Variants in ESPNL observed in about 807,000 individuals in gnomAD.
The protein encoded by ESPNL is espin-like protein.
In ESPNL, 49 loss-of-function variants were observed where a neutral mutation model predicts 46.8. That is an observed-to-expected ratio of 1.05 (90% CI 0.83 to 1.33). The LOEUF (loss-of-function observed/expected upper bound fraction) is 1.33, where lower values mean the gene tolerates loss of function less well. ESPNL is among the 40% of genes most tolerant of loss of function. The pLI, the probability that ESPNL is intolerant of heterozygous loss-of-function variation, is 0.00. For synonymous variants in ESPNL, 664 were observed against 662.1 expected, an observed-to-expected ratio of 1.00 and a Z score of -0.04; for missense variants, 1,540 against 1,436.6, an observed-to-expected ratio of 1.07 and a Z score of -1.16.
At chr2:238,111,624 T>C (rs1232215954) in intron 4 of ESPNL, among the ~76,000 whole-genome samples, 4 of 152,252 alleles carry the variant, frequency 2.6e-5, no homozygotes, top group Admixed American at 2.0e-4. Context: ...AATTTCCTTT[T>C]TATAGCTAAA....
Position 238,132,013 on chromosome 2 carries a change from C to T in ESPNL, c.*281C>T, listed in dbSNP as rs1186710435. 1.7e-5 allele frequency: 6 copies of T among 351,432 alleles called. No individual in the cohort carries two copies. The highest frequency in any genetic ancestry group is 2.6e-5 in the Non-Finnish European group (5 of 194,480). 21.8% of individuals were successfully genotyped at this position (351,432 alleles called of 1,614,324 possible). On this transcript the variant is annotated 3_prime_UTR_variant, in exon 9 of 9. Coordinates refer to ENST00000343063, the MANE Select transcript of ESPNL (RefSeq NM_194312.4). ...AGGGCACCTCTGCCCAGCCGGCCCC[C>T]GAGACCTGGGATGCTGCCTGTTTCT...
chr2:238,129,494 G>A (rs1168909289), intron 8 of ESPNL, among the ~76,000 whole-genome samples: 2 of 152,166 alleles, frequency 1.3e-5, no homozygotes, highest in Non-Finnish European at 2.9e-5. Flanking sequence ...GGCGCCTGAG[G>A]TTGGAGAGGA....
At position 238,100,582 on chromosome 2, in the gene ESPNL, T is replaced by C; in HGVS notation, c.163T>C (p.Leu55=). 1.3e-6 allele frequency: 2 copies of C among 1,566,138 alleles called. No individual in the cohort carries two copies. The highest frequency in any genetic ancestry group is 1.7e-6 in the Non-Finnish European group (2 of 1,158,358). The change falls in exon 1 of 9, where the codon TTG becomes CTG. Residue 55 remains leucine (L), a synonymous_variant. Coordinates refer to ENST00000343063, the MANE Select transcript of ESPNL (RefSeq NM_194312.4). ...RAGHLDCVKF[L]VQRAQLPGNQ... Reference sequence around the variant, plus strand: ...TGGCCACCTGGACTGCGTCAAGTTCTTGGTGCAGCGGGCCCAGCTGCCCGG... The same window carrying C: ...TGGCCACCTGGACTGCGTCAAGTTCCTGGTGCAGCGGGCCCAGCTGCCCGG...
At position 238,101,900 on chromosome 2, in the gene ESPNL, C is replaced by A. The variant is rs764936759; in HGVS notation, c.295-41C>A. 3.3e-6 allele frequency: 5 copies of A among 1,512,532 alleles called. No homozygotes were observed. In the South Asian group the frequency reaches 4.7e-5, roughly 14 times the overall value. 93.7% of individuals were successfully genotyped at this position (1,512,532 alleles called of 1,614,324 possible). A position where few individuals can be genotyped will look rare whatever the true frequency, so the allele number is the denominator to read the frequency against. On this transcript the variant is annotated intron_variant, in intron 1 of 8. Transcript: ENST00000343063. ...CCTCCGGCAGCTGGCTCTGACCTCA[C>A]GGCCTACCCCCCACTCACTGACCTA...
chr2:238,123,147 G>A (rs890527189), intron 5 of ESPNL, among the ~76,000 whole-genome samples: 10 of 152,184 alleles, frequency 6.6e-5, no homozygotes, highest in South Asian at 4.1e-4. Context: ...GGAACACGCC[G>A]TTGCTCAGCA....
chr2:238,125,767 T>TTGGAGTGGAGGGGAG (rs1692091376), intron 6 of ESPNL, among the ~76,000 whole-genome samples: 1 of 146,276 alleles, frequency 6.8e-6, no homozygotes, highest in African/African-American at 2.5e-5. Flanking sequence ...TGTGACCAGC[T>TTGGAGTGGAGGGGAG]TGGAGTGGAG....
At chr2:238,124,701 G>A (rs1443621818) in intron 5 of ESPNL, among the ~76,000 whole-genome samples, 3 of 114,082 alleles carry the variant, frequency 2.6e-5, no homozygotes, top group Non-Finnish European at 5.7e-5. Context: ...GTACGTGCAT[G>A]TGTGTGCAGG....
intron 5 of ESPNL, among the ~76,000 whole-genome samples, chr2:238,121,939 G>A (rs1005977192): frequency 1.2e-4 from 18 of 152,240 alleles, no homozygotes; most frequent in Admixed American, 1.2e-3. Context: ...CATGGCAACG[G>A]GTGTCCGGCA....
rs192950157 is a variant in ESPNL, at chr2:238,123,623, G to A, written c.988-1647G>A. On this transcript the variant is annotated intron_variant, in intron 5 of 8. Transcript: ENST00000343063. ...AGCCCGCCTGGCCACCTGACACCTC[G>A]GCCTTCAAATATTCATGTGACACCT... Among the ~76,000 whole-genome samples, 186 of 152,252 alleles carry A rather than the reference G, an allele frequency of 1.2e-3. 1 individual carries two copies. The highest frequency in any genetic ancestry group is 2.0e-3 in the Non-Finnish European group (135 of 68,006).
At chr2:238,115,537 GTA>G (rs1292438152) in intron 4 of ESPNL, among the ~76,000 whole-genome samples, 1 of 152,222 alleles carries the variant, frequency 6.6e-6, no homozygotes, top group Non-Finnish European at 1.5e-5. Context: ...GCGTCACGTT[GTA>G]TTTACTCACG....
intron 2 of ESPNL, among the ~76,000 whole-genome samples, chr2:238,104,171 G>A (rs1476524408): frequency 2.0e-5 from 3 of 152,166 alleles, no homozygotes; most frequent in Non-Finnish European, 4.4e-5. Context: ...CAGGCTTGGC[G>A]GGAAAGCAGG....
At chr2:238,129,438 G>A (rs193289504) in intron 8 of ESPNL, among the ~76,000 whole-genome samples, 41 of 152,314 alleles carry the variant, frequency 2.7e-4, no homozygotes, top group African/African-American at 7.2e-4. Context: ...TCCTGAGGCC[G>A]GGCTGGCCGG....
At chr2:238,128,314 G>A (rs1336943592) in intron 7 of ESPNL, among the ~76,000 whole-genome samples, 1 of 152,190 alleles carries the variant, frequency 6.6e-6, no homozygotes, top group Non-Finnish European at 1.5e-5. Flanking sequence ...CACATTGAAG[G>A]CTCTGACAAG....
intron 5 of ESPNL, among the ~76,000 whole-genome samples, chr2:238,119,117 GAAGT>G (rs1691910859): frequency 9.3e-6 from 1 of 107,512 alleles, no homozygotes; most frequent in African/African-American, 4.1e-5. Context: ...GGATGGAGGA[GAAGT>G]GGATGAAGGC....
At position 238,130,638 on chromosome 2, in the gene ESPNL, C is replaced by T. The variant is rs761210454; in HGVS notation, c.1924C>T (p.Gln642Ter). 3.2e-6 allele frequency: 5 copies of T among 1,561,718 alleles called. No individual in the cohort carries two copies. The South Asian group carries it at 5.9e-5, about 18-fold the overall frequency. Residue 642 changes from glutamine (Q) to a stop codon, truncating the protein, a stop_gained, in exon 9 of 9, where the codon CAG (glutamine) becomes TAG (stop). Transcript: ENST00000343063. LOFTEE classifies it low-confidence loss of function (END_TRUNC). Reference sequence around the variant, plus strand: ...GGCCAGCCCCCCTCGGAGCGAGGCCCAGCGCCAGATCCAGGAGTGGGGGGT... The same window carrying T: ...GGCCAGCCCCCCTCGGAGCGAGGCCTAGCGCCAGATCCAGGAGTGGGGGGT... The part of the protein sequence containing the change: ...ASASPPRSEA[Q>*]RQIQEWGVSV...
At chr2:238,119,594 A>ATGGAGGAGGGGAGC (rs1491456792) in intron 5 of ESPNL, among the ~76,000 whole-genome samples, 1 of 150,226 alleles carries the variant, frequency 6.7e-6, no homozygotes, top group Non-Finnish European at 1.5e-5. Flanking sequence ...GAGGAGGTGG[A>ATGGAGGAGGGGAGC]TGGAGGAGGG....
chr2:238,102,264 G>A, intron 2 of ESPNL, 133 bp downstream of exon 2: 1 of 797,286 alleles, frequency 1.3e-6, no homozygotes, highest in Non-Finnish European at 1.9e-6. Flanking sequence ...TGCTGTCACT[G>A]TGGGGGTGAG....
chr2:238,108,462 AG>A (rs1691648021), intron 4 of ESPNL, among the ~76,000 whole-genome samples: 1 of 152,192 alleles, frequency 6.6e-6, no homozygotes, highest in Non-Finnish European at 1.5e-5. Flanking sequence ...CCAGCCTTTG[AG>A]GGTGGGTGCA....
Position 238,107,961 on chromosome 2 carries a change from C to A in ESPNL, c.843C>A (p.Asn281Lys), listed in dbSNP as rs546539763. Reference sequence around the variant, plus strand: ...CCCCCCTCCACGACGCAGCAGAGAACGGGCAGATGGAGGTAAGGTGGGCGT... The same window carrying A: ...CCCCCCTCCACGACGCAGCAGAGAAAGGGCAGATGGAGGTAAGGTGGGCGT... ...GGTPLHDAAE[N>K]GQMECCQTLV... The change falls in exon 4 of 9, where the codon AAC becomes AAA. Residue 281 changes from asparagine to lysine, a missense_variant. Asn to Lys is a moderately conservative substitution (Grantham distance 94, BLOSUM62 0). Coordinates refer to ENST00000343063, the MANE Select transcript of ESPNL (RefSeq NM_194312.4). 4 of 1,611,632 alleles carry A rather than the reference C, an allele frequency of 2.5e-6. No homozygotes were observed. Among genetic ancestry groups the A allele is most frequent in the Non-Finnish European group, 3.4e-6 (4 of 1,179,006 alleles).
Sources: allele counts gnomAD v4.1 joint callset (sites outside exome capture counted in the v4.1 genomes callset), GRCh38; gene constraint gnomAD v4.1.1; transcripts MANE v1.5; gene names NCBI Gene and HGNC (gene_info 2026-07-23, HGNC 2026-07-21).